Variants in COMMD10 observed in about 807,000 individuals in gnomAD.
The protein encoded by COMMD10 is COMM domain containing 10.
A neutral mutation model predicts 28.9 loss-of-function variants in COMMD10; 33 were observed. The ratio of observed to expected loss-of-function variants is 1.14; its 90% confidence interval spans 0.87 to 1.53. The LOEUF is 1.53. Ranked by LOEUF, COMMD10 falls within the 40% of genes most tolerant of loss-of-function variation. The pLI is 0.00. For synonymous variants in COMMD10, 110 were observed against 81.7 expected (o/e 1.35, Z -1.87); for missense variants, 310 against 233.4 (o/e 1.33, Z -2.14).
rs954200967 is a variant in COMMD10, at chr5:116,279,726, C to G, written c.511-11791C>G. On this transcript the variant is annotated intron_variant, in intron 5 of 6. Transcript: ENST00000274458. ...GTATTGCATTGATGTTTGTAAAATGCTCACAGTGGCTGTGAAAATTTTGTT... is the reference window on the plus strand; with the variant it reads ...GTATTGCATTGATGTTTGTAAAATGGTCACAGTGGCTGTGAAAATTTTGTT... Among the ~76,000 whole-genome samples the G allele has an allele frequency of 3.3e-5, 5 of 151,798 alleles. 1 individual carries two copies. The highest frequency in any genetic ancestry group is 1.2e-4 in the African/African-American group (5 of 41,150).
chr5:116,212,183 G>A (rs147565315), intron 5 of COMMD10, among the ~76,000 whole-genome samples: 4 of 151,938 alleles, frequency 2.6e-5, no homozygotes, highest in Admixed American at 6.6e-5. Flanking sequence ...GTAACTTAGC[G>A]TAATATAAAT....
chr5:116,199,340 A>G (rs1387120401), intron 5 of COMMD10, among the ~76,000 whole-genome samples: 1 of 152,076 alleles, frequency 6.6e-6, no homozygotes, highest in Middle Eastern at 3.2e-3. Context: ...TTCTTCATAT[A>G]TTTTGGATAA....
chr5:116,267,365 A>G (rs1482080241), intron 5 of COMMD10, among the ~76,000 whole-genome samples: 8 of 151,944 alleles, frequency 5.3e-5, no homozygotes, highest in Non-Finnish European at 8.8e-5. Context: ...CAAAGAGAAT[A>G]AAATACCTAG....
chr5:116,186,900 C>T lies in COMMD10; in HGVS notation c.510+52722C>T, dbSNP rs185444474. On this transcript the variant is annotated intron_variant, in intron 5 of 6. Transcript: ENST00000274458. ...ACTGTAGCCCGTAATGCATCATAGG[C>T]GCACAACATATATACTTTTCCATTA... Among the ~76,000 whole-genome samples the T allele has an allele frequency of 2.6e-3, 401 of 152,148 alleles. 1 individual carries two copies. The highest frequency in any genetic ancestry group is 9.0e-3 in the African/African-American group (375 of 41,548).
intron 5 of COMMD10, among the ~76,000 whole-genome samples, chr5:116,267,914 G>T (rs1273174379): frequency 1.3e-5 from 2 of 151,808 alleles, no homozygotes; most frequent in Non-Finnish European, 2.9e-5. Context: ...AGCTGAAACT[G>T]GATCCCTTCC....
At chr5:116,109,742 T>C (rs1750978507) in intron 4 of COMMD10, among the ~76,000 whole-genome samples, 1 of 152,240 alleles carries the variant, frequency 6.6e-6, no homozygotes, top group Admixed American at 6.5e-5. Flanking sequence ...GTTGTGCAGC[T>C]TTACTACATT....
At position 116,131,035 on chromosome 5, in the gene COMMD10, G is replaced by A. The variant is rs1044551152; in HGVS notation, c.400-3033G>A. 5.3e-5 allele frequency among the ~76,000 whole-genome samples: 8 copies of A among 151,936 alleles called. No homozygotes were observed. The East Asian group carries it at 9.7e-4, about 18-fold the overall frequency. Reference sequence around the variant, plus strand: ...TCATGGCAATATTACAAATATACACGTATCTAGTTGGGGAAAGAATATACT... The same window carrying A: ...TCATGGCAATATTACAAATATACACATATCTAGTTGGGGAAAGAATATACT... On this transcript the variant is annotated intron_variant, in intron 4 of 6. Transcript: ENST00000274458.
At chr5:116,182,707 A>G (rs1291164749) in intron 5 of COMMD10, among the ~76,000 whole-genome samples, 4 of 152,146 alleles carry the variant, frequency 2.6e-5, no homozygotes, top group Non-Finnish European at 5.9e-5. Flanking sequence ...TTAAAATTCT[A>G]TCTCCAAGTG....
intron 5 of COMMD10, among the ~76,000 whole-genome samples, chr5:116,236,969 T>A (rs1048986965): frequency 1.6e-4 from 25 of 152,028 alleles, no homozygotes; most frequent in African/African-American, 1.2e-4. Context: ...TAGATTTTTT[T>A]AAAAAGTAGA....
rs1157027320 is a variant in COMMD10, at chr5:116,092,581, C to T, written c.280C>T (p.Gln94Ter). Residue 94 changes from glutamine (Q) to a stop codon, truncating the protein, a stop_gained, in exon 4 of 7, where the codon CAG (glutamine) becomes TAG (stop). Transcript: ENST00000274458. LOFTEE classifies it high-confidence loss of function. ...YHNVKPAALQ[Q>*]QLENIHLRQD... ...CAATGTGAAGCCAGCAGCTTTGCAG[C>T]AGCAATTAGAGAACATTCATCTTAG... The T allele has an allele frequency of 1.2e-6, 2 of 1,608,506 alleles. No individual in the cohort carries two copies. The highest frequency in any genetic ancestry group is 1.7e-6 in the Non-Finnish European group (2 of 1,177,548).
chr5:116,148,359 C>T (rs1752409103), intron 5 of COMMD10, among the ~76,000 whole-genome samples: 3 of 151,830 alleles, frequency 2.0e-5, no homozygotes, highest in South Asian at 2.1e-4. Flanking sequence ...CTTTCTCTTT[C>T]CCCCTCTTGG....
At chr5:116,161,240 C>T (rs1291581247) in intron 5 of COMMD10, among the ~76,000 whole-genome samples, 1 of 152,100 alleles carries the variant, frequency 6.6e-6, no homozygotes, top group African/African-American at 2.4e-5. Context: ...CTGCTTTGTT[C>T]TTATCTTCGT....
intron 5 of COMMD10, among the ~76,000 whole-genome samples, chr5:116,214,891 G>C (rs1749057991): frequency 6.6e-6 from 1 of 151,990 alleles, no homozygotes; most frequent in East Asian, 1.9e-4. Context: ...AATCCTAACT[G>C]TTAGCTAAGT....
At chr5:116,220,191 ATTGT>A (rs1160726504) in intron 5 of COMMD10, among the ~76,000 whole-genome samples, 2 of 152,164 alleles carry the variant, frequency 1.3e-5, no homozygotes, top group African/African-American at 2.4e-5. Context: ...ACATCCAAAA[ATTGT>A]TTGTAGGTAC....
At chr5:116,232,847 A>T (rs1023111632) in intron 5 of COMMD10, among the ~76,000 whole-genome samples, 1 of 152,188 alleles carries the variant, frequency 6.6e-6, no homozygotes, top group Non-Finnish European at 1.5e-5. Context: ...AACTTGTTAA[A>T]TTCTCAAGCA....
chr5:116,194,343 G>T (rs553096608), intron 5 of COMMD10, among the ~76,000 whole-genome samples: 2 of 151,964 alleles, frequency 1.3e-5, no homozygotes, highest in Non-Finnish European at 2.9e-5. Flanking sequence ...AAATGAAATG[G>T]AAACAAAAAC....
At chr5:116,193,687 C>T in intron 5 of COMMD10, among the ~76,000 whole-genome samples, 1 of 151,948 alleles carries the variant, frequency 6.6e-6, no homozygotes, top group East Asian at 1.9e-4. Context: ...ACTAATAGAC[C>T]TAAGAAATGA....
At chr5:116,232,526 C>T (rs1324718541) in intron 5 of COMMD10, among the ~76,000 whole-genome samples, 2 of 151,964 alleles carry the variant, frequency 1.3e-5, no homozygotes, top group African/African-American at 4.8e-5. Flanking sequence ...CATGGAGAAA[C>T]CCCATCTCTA....
At chr5:116,145,733 T>C (rs1451443469) in intron 5 of COMMD10, among the ~76,000 whole-genome samples, 1 of 151,870 alleles carries the variant, frequency 6.6e-6, no homozygotes, top group East Asian at 1.9e-4. Context: ...TCCCCCATGC[T>C]GTTCTCCTGA....
Sources: gnomAD v4.1 joint callset for allele counts (sites outside exome capture counted in the v4.1 genomes callset) on GRCh38, gnomAD v4.1.1 for gene constraint, MANE v1.5 for transcripts, NCBI Gene and HGNC (gene_info 2026-07-23, HGNC 2026-07-21) for gene names.